CCDC102B: variants seen among roughly 807,000 people sequenced by gnomAD.
CCDC102B encodes coiled-coil domain-containing protein 102B.
Under a neutral mutation model 57.4 loss-of-function variants are expected in CCDC102B, and 75 were observed. The ratio of observed to expected loss-of-function variants is 1.31; its 90% CI spans 1.08 to 1.58. The LOEUF (loss-of-function observed/expected upper bound fraction) is 1.58. Ranked by LOEUF, CCDC102B falls within the 40% of genes most tolerant of loss-of-function variation. The pLI is 0.00. For synonymous variants in CCDC102B, 206 were observed against 201.9 expected, an observed-to-expected ratio of 1.02 and a Z score of -0.17; for missense variants, 636 against 582.6, an observed-to-expected ratio of 1.09 and a Z score of -0.94.
At chr18:68,812,555 G>A (rs2036309135) in intron 1 of CCDC102B, among the ~76,000 whole-genome samples, 1 of 152,096 alleles carries the variant, frequency 6.6e-6, no homozygotes, top group African/African-American at 2.4e-5. Flanking sequence ...TAGTTTAGAG[G>A]GGCTAAATAC....
At chr18:68,929,428 T>C (rs763849767) in intron 6 of CCDC102B, among the ~76,000 whole-genome samples, 42 of 152,114 alleles carry the variant, frequency 2.8e-4, no homozygotes, top group Middle Eastern at 3.4e-3. Context: ...AGGCTGTCTT[T>C]GCATTCGTTT....
At chr18:68,857,397 AAT>A (rs1282265980) in intron 4 of CCDC102B, among the ~76,000 whole-genome samples, 1 of 124,274 alleles carries the variant, frequency 8.0e-6, no homozygotes, top group Non-Finnish European at 1.6e-5. Context: ...TTATTATTTA[AAT>A]ATATAAATAT....
intron 6 of CCDC102B, among the ~76,000 whole-genome samples, chr18:68,907,066 T>A (rs1175146188): frequency 1.3e-5 from 2 of 152,196 alleles, no homozygotes; most frequent in Non-Finnish European, 2.9e-5. Context: ...GAGACTATTT[T>A]TTTCTGCCAC....
chr18:68,948,792 G>A (rs1210534690), intron 6 of CCDC102B, among the ~76,000 whole-genome samples: 4 of 152,086 alleles, frequency 2.6e-5, no homozygotes, highest in Non-Finnish European at 5.9e-5. Flanking sequence ...TCTAAGTGCC[G>A]AGTGTAACTG....
At chr18:68,821,476 A>G (rs2036687170) in intron 1 of CCDC102B, among the ~76,000 whole-genome samples, 1 of 151,724 alleles carries the variant, frequency 6.6e-6, no homozygotes, top group Non-Finnish European at 1.5e-5. Flanking sequence ...CACATACAAT[A>G]TTTAAATGCC....
At chr18:68,927,520 T>A (rs1410426172) in intron 6 of CCDC102B, among the ~76,000 whole-genome samples, 2 of 151,992 alleles carry the variant, frequency 1.3e-5, no homozygotes, top group Non-Finnish European at 2.9e-5. Flanking sequence ...TGACATTATA[T>A]TGGGTAGAAA....
intron 5 of CCDC102B, among the ~76,000 whole-genome samples, chr18:68,895,312 A>G (rs1187451278): frequency 6.6e-6 from 1 of 151,752 alleles, no homozygotes; most frequent in African/African-American, 2.4e-5. Flanking sequence ...AAGCCAGAAC[A>G]TCTCTTAGAT....
chr18:68,820,080 T>C (rs7244418), intron 1 of CCDC102B, among the ~76,000 whole-genome samples: 65,137 of 151,426 alleles, frequency 0.43, 15,232 homozygotes, highest in East Asian at 0.86. Flanking sequence ...ATGGCTAGAC[T>C]TCTCCTTTTG....
chr18:69,008,459 ATTAAGG>A (rs561020236), intron 6 of CCDC102B, among the ~76,000 whole-genome samples: 560 of 152,310 alleles, frequency 3.7e-3, no homozygotes, highest in Non-Finnish European at 6.4e-3. Flanking sequence ...TGTTGGCATC[ATTAAGG>A]TTTAAATATC....
intron 4 of CCDC102B, among the ~76,000 whole-genome samples, chr18:68,849,898 T>A (rs563993915): frequency 6.6e-6 from 1 of 152,228 alleles, no homozygotes; most frequent in Non-Finnish European, 1.5e-5. Flanking sequence ...CTGCTGTCCT[T>A]CAGGTTCTCA....
At chr18:68,779,664 A>G (rs1179068127) in intron 2 of CCDC102B, among the ~76,000 whole-genome samples, 4 of 152,080 alleles carry the variant, frequency 2.6e-5, no homozygotes, top group Non-Finnish European at 4.4e-5. Flanking sequence ...CCATTAAAGT[A>G]GAGAAGCAGA....
intron 1 of CCDC102B, among the ~76,000 whole-genome samples, chr18:68,809,697 A>G (rs751907629): frequency 6.6e-6 from 1 of 152,230 alleles, no homozygotes; most frequent in Non-Finnish European, 1.5e-5. Flanking sequence ...TCACTGGTAC[A>G]TCTTCAATGC....
chr18:68,883,108 T>C (rs959578402), intron 5 of CCDC102B, among the ~76,000 whole-genome samples: 3 of 152,052 alleles, frequency 2.0e-5, no homozygotes, highest in African/African-American at 7.2e-5. Flanking sequence ...AACCTGCACA[T>C]GTATGCCCAA....
At chr18:68,970,111 A>T (rs763861919) in intron 6 of CCDC102B, among the ~76,000 whole-genome samples, 2 of 152,114 alleles carry the variant, frequency 1.3e-5, no homozygotes, top group African/African-American at 2.4e-5. Context: ...TTCATAAAAT[A>T]TATTAGCAAA....
At chr18:69,046,111 A>G (rs1438215769) in intron 7 of CCDC102B, among the ~76,000 whole-genome samples, 2 of 152,138 alleles carry the variant, frequency 1.3e-5, no homozygotes, top group African/African-American at 4.8e-5. Flanking sequence ...TTGAGTATAT[A>G]CCCAACAATG....
At chr18:69,055,745 C>T (rs2052805504), downstream of CCDC102B, among the ~76,000 whole-genome samples, 1 of 152,092 alleles carries the variant, frequency 6.6e-6, no homozygotes, top group Non-Finnish European at 1.5e-5. Context: ...TCCCTGCCAC[C>T]ATCCCTCAAC....
intron 2 of CCDC102B, among the ~76,000 whole-genome samples, chr18:68,764,099 G>C (rs78624277): frequency 6.6e-6 from 1 of 152,014 alleles, no homozygotes; most frequent in Non-Finnish European, 1.5e-5. Flanking sequence ...ACATTCAAAA[G>C]CCAAGGATCT....
intron 7 of CCDC102B, among the ~76,000 whole-genome samples, chr18:69,033,504 T>A (rs1439110530): frequency 2.0e-5 from 3 of 152,092 alleles, no homozygotes; most frequent in Admixed American, 1.3e-4. Context: ...TTACAGACTT[T>A]CCGATTTTGG....
At chr18:68,861,987 A>C (rs1001916706) in intron 4 of CCDC102B, among the ~76,000 whole-genome samples, 1 of 152,148 alleles carries the variant, frequency 6.6e-6, no homozygotes, top group Admixed American at 6.5e-5. Flanking sequence ...TTACAGAATA[A>C]CTTCTTTCTA....
Sources: gnomAD v4.1 joint callset for allele counts (sites outside exome capture counted in the v4.1 genomes callset) on GRCh38, gnomAD v4.1.1 for gene constraint, MANE v1.5 for transcripts, NCBI Gene and HGNC (gene_info 2026-07-23, HGNC 2026-07-21) for gene names.